Variants in UBE3B observed in about 807,000 individuals in gnomAD.
UBE3B encodes the protein ubiquitin protein ligase E3B.
Under a neutral mutation model 132.3 loss-of-function variants are expected in UBE3B, and 80 were observed. That is an observed-to-expected ratio of 0.60 (90% confidence interval 0.50 to 0.73). The LOEUF is 0.73. UBE3B is among the 30% of genes least tolerant of loss of function. The pLI is 0.00. For missense variants in UBE3B, 1,196 were observed against 1,362.5 expected, an observed-to-expected ratio of 0.88 and a Z score of 1.92; for synonymous variants, 487 against 520.4, an observed-to-expected ratio of 0.94 and a Z score of 0.87.
At chr12:109,485,402 G>A (rs12822282) in intron 4 of UBE3B, among the ~76,000 whole-genome samples, 25,749 of 152,228 alleles carry the variant, frequency 0.17, 2,239 homozygotes, top group African/African-American at 0.18. Context: ...ACATGATTAC[G>A]TAGATGAGGA....
downstream of UBE3B, among the ~76,000 whole-genome samples, chr12:109,540,540 G>A (rs1399828491): frequency 6.6e-6 from 1 of 152,190 alleles, no homozygotes; most frequent in Non-Finnish European, 1.5e-5. Flanking sequence ...TACCAGTCAG[G>A]CTGCCTTCTC....
At chr12:109,517,587 C>T (rs1194178890) in intron 19 of UBE3B, among the ~76,000 whole-genome samples, 1 of 152,218 alleles carries the variant, frequency 6.6e-6, no homozygotes. Context: ...ATGCCACAGC[C>T]TCCCCTGGGC....
chr12:109,546,026 A>G, the UBE3B span, among the ~76,000 whole-genome samples: 1 of 152,144 alleles, frequency 6.6e-6, no homozygotes, highest in Admixed American at 6.5e-5. Context: ...TCATGTCCCA[A>G]CAGGCTGCAG....
In UBE3B at chr12:109,522,860, C is replaced by T. The variant is rs1227224102; in HGVS notation, c.2365-1118C>T. ...CTCATCTGCATAATAGAAACAATTT[C>T]TCAGTTGATTTCCATTGAAAAAGTT... is the stretch of plus-strand genomic sequence containing the variant. On this transcript the variant is annotated intron_variant, in intron 21 of 27. Transcript: ENST00000342494. This position sits in a 1 kb window ranked among gnomAD's most constrained non-coding sequence, Gnocchi z 4.2. Among the ~76,000 whole-genome samples the T allele has an allele frequency of 6.6e-6, 1 of 152,204 alleles. No homozygotes were observed. The highest frequency in any genetic ancestry group is 1.5e-5 in the Non-Finnish European group (1 of 68,030).
chr12:109,509,558 TC>T, intron 15 of UBE3B, 37 bp from the exon 16 acceptor site: 1 of 1,438,682 alleles, frequency 7.0e-7, no homozygotes, highest in African/African-American at 1.4e-5. Flanking sequence ...TCGCCTTTTT[TC>T]AGTGTGGAAT....
intron 19 of UBE3B, among the ~76,000 whole-genome samples, chr12:109,519,178 G>C (rs925360943): frequency 2.6e-5 from 4 of 152,198 alleles, no homozygotes; most frequent in Non-Finnish European, 5.9e-5. Context: ...GCAGAACTGA[G>C]GCCAGAGAAC....
rs780380636 is a variant in UBE3B at position 109,483,688 on chromosome 12, G to A, written c.137G>A (p.Arg46Gln). Residue 46 changes from arginine (R) to glutamine (Q), a missense_variant, in exon 3 of 28, where the codon CGG becomes CAG. Arg to Gln is a conservative substitution (Grantham distance 43). Transcript: ENST00000342494. ...IQAHVRSFLC[R>Q]SRLQRDIRRE... is the part of the protein sequence containing the mutation. ...GCCCATGTCCGGAGTTTTCTCTGTC[G>A]GAGTCGACTGCAGAGAGATATCAGG... 1.2e-5 allele frequency: 19 copies of A among 1,608,316 alleles called. No individual in the cohort carries two copies. The East Asian group carries it at 2.2e-4, about 19-fold the overall frequency.
chr12:109,488,382 A>C (rs1876865195), intron 6 of UBE3B, among the ~76,000 whole-genome samples, 190 bp from the exon 7 acceptor site: 1 of 152,058 alleles, frequency 6.6e-6, no homozygotes, highest in Admixed American at 6.5e-5. Context: ...ATCAGGCACT[A>C]GAGTGCCACA....
chr12:109,498,184 G>A, intron 10 of UBE3B, 49 bp from the exon 11 acceptor site: 2 of 1,608,490 alleles, frequency 1.2e-6, no homozygotes, highest in Non-Finnish European at 1.7e-6. Flanking sequence ...CTCTCTACAG[G>A]AAACTGTTTC....
intron 9 of UBE3B, among the ~76,000 whole-genome samples, chr12:109,493,648 T>C (rs16940266): frequency 6.6e-6 from 1 of 152,200 alleles, no homozygotes; most frequent in African/African-American, 2.4e-5. Context: ...CCTTTTAAAG[T>C]AAGATATCAG....
At position 109,535,886 on chromosome 12, in the gene UBE3B, G is replaced by A. The variant is rs1049536463; in HGVS notation, c.*1104G>A. ...CCCTCATTCTTTACCTTTGTTGTAA[G>A]AACTTTAGCTCCAGGGAACTGAGGC... On this transcript the variant is annotated 3_prime_UTR_variant, in exon 28 of 28. Coordinates refer to ENST00000342494, the MANE Select transcript of UBE3B (RefSeq NM_130466.4). The A allele has an allele frequency of 5.3e-5, 8 of 152,008 alleles. No individual in the cohort carries two copies. The highest frequency in any genetic ancestry group is 1.9e-4 in the African/African-American group (8 of 41,322). 9.4% of individuals were successfully genotyped at this position (152,008 alleles called of 1,614,324 possible).
intron 19 of UBE3B, chr12:109,520,880 G>A (rs994269895): frequency 8.0e-5 from 26 of 324,966 alleles, no homozygotes; most frequent in Non-Finnish European, 1.2e-4. Flanking sequence ...GACTCATTTT[G>A]TCTAACTTCC....
chr12:109,519,176 G>A (rs1331753594), intron 19 of UBE3B, among the ~76,000 whole-genome samples: 1 of 152,166 alleles, frequency 6.6e-6, no homozygotes, highest in Non-Finnish European at 1.5e-5. Context: ...AGGCAGAACT[G>A]AGGCCAGAGA....
In UBE3B at chr12:109,483,668, T is replaced by A; in HGVS notation, c.117T>A (p.His39Gln). The change falls in exon 3 of 28, where the codon CAT becomes CAA. Residue 39 changes from histidine to glutamine, a missense_variant. Transcript: ENST00000342494. ...RERAAVVIQAHVRSFLCRSRL... is the reference protein window; with the variant it reads ...RERAAVVIQAQVRSFLCRSRL... ...GGGCAGCTGTTGTGATCCAGGCCCA[T>A]GTCCGGAGTTTTCTCTGTCGGAGTC... is the stretch of plus-strand genomic sequence containing the variant. 6.2e-7 allele frequency: 1 copy of A among 1,612,196 alleles called. No individual in the cohort carries two copies. Among genetic ancestry groups the A allele is most frequent in the Non-Finnish European group, 8.5e-7 (1 of 1,179,344 alleles).
chr12:109,501,473 G>A lies in UBE3B; in HGVS notation c.1221G>A (p.Leu407=), dbSNP rs1566088921. ...GTGACATCCTGAGCAAGAAGCTACT[G>A]GAGAGCCAGGAGCCAGCCCACGCAC... ...FFCDILSKKL[L]ESQEPAHAQP... Residue 407 remains leucine, a synonymous_variant, in exon 13 of 28, where the codon CTG becomes CTA. Coordinates refer to ENST00000342494, the MANE Select transcript of UBE3B (RefSeq NM_130466.4). 6 of 1,614,188 alleles carry A rather than the reference G, an allele frequency of 3.7e-6. No individual in the cohort carries two copies. The highest frequency in any genetic ancestry group is 5.1e-6 in the Non-Finnish European group (6 of 1,180,036).
chr12:109,532,105 G>T (rs1026260367), intron 26 of UBE3B, among the ~76,000 whole-genome samples: 1 of 152,210 alleles, frequency 6.6e-6, no homozygotes, highest in Non-Finnish European at 1.5e-5. Context: ...GCTCGCAGGA[G>T]CGGGAAAGCT....
intron 6 of UBE3B, among the ~76,000 whole-genome samples, chr12:109,488,026 TCTATGTG>T (rs1876812687): frequency 6.6e-6 from 1 of 152,230 alleles, no homozygotes; most frequent in South Asian, 2.1e-4. Flanking sequence ...CATGGAGTTA[TCTATGTG>T]CCAGACACTG....
chr12:109,513,246 C>T (rs1880594832), intron 18 of UBE3B, among the ~76,000 whole-genome samples: 2 of 152,254 alleles, frequency 1.3e-5, no homozygotes, highest in South Asian at 4.1e-4. Context: ...ATTCCCATAA[C>T]ACATCGTCTA....
chr12:109,499,743 CAGA>C lies in UBE3B; in HGVS notation c.1057_1059del (p.Lys353del), dbSNP rs1878720938. On this transcript the variant is annotated inframe_deletion, in exon 12 of 28. Coordinates refer to ENST00000342494, the MANE Select transcript of UBE3B (RefSeq NM_130466.4). ...GTGCTACTGTCGGAAGTATGTGTCT[CAGA>C]AGAAGTCCAACCTGACCCACTGGCA... 1 of 1,612,910 alleles carries C rather than the reference CAGA, an allele frequency of 6.2e-7. No individual in the cohort carries two copies. Among genetic ancestry groups the C allele is most frequent in the African/African-American group, 1.3e-5 (1 of 74,770 alleles).
Sources: gnomAD v4.1 joint callset for allele counts (sites outside exome capture counted in the v4.1 genomes callset) on GRCh38, gnomAD v4.1.1 for gene constraint, Gnocchi (gnomAD v3.1) non-coding constraint, MANE v1.5 for transcripts, NCBI Gene and HGNC (gene_info 2026-07-23, HGNC 2026-07-21) for gene names.